AFG2A: variants seen among roughly 807,000 people sequenced by gnomAD.
The protein encoded by AFG2A is ATPase family gene 2 protein homolog A.
the AFG2A span, among the ~76,000 whole-genome samples, chr4:123,157,801 T>TC: frequency 1.3e-5 from 2 of 152,002 alleles, no homozygotes; most frequent in African/African-American, 4.8e-5. Context: ...AGTAAATACC[T>TC]CCCCCCTCTA....
chr4:123,092,271 T>A, the AFG2A span, among the ~76,000 whole-genome samples: 3 of 152,162 alleles, frequency 2.0e-5, no homozygotes, highest in Non-Finnish European at 4.4e-5. Context: ...TAAAGGGTGC[T>A]GAATCCAGAA....
the AFG2A span, among the ~76,000 whole-genome samples, chr4:123,170,495 T>C: frequency 6.6e-5 from 10 of 152,352 alleles, no homozygotes; most frequent in Non-Finnish European, 1.2e-4. Context: ...TTTTGTCTCC[T>C]GGTTGTCAGA....
chr4:122,925,962 G>A, the AFG2A span, among the ~76,000 whole-genome samples: 5 of 152,312 alleles, frequency 3.3e-5, no homozygotes, highest in East Asian at 9.6e-4. Flanking sequence ...GATACTTAAG[G>A]TGCTCAATAA....
the AFG2A span, among the ~76,000 whole-genome samples, chr4:123,058,481 T>G: frequency 6.6e-6 from 1 of 152,178 alleles, no homozygotes; most frequent in South Asian, 2.1e-4. Context: ...AGAAATTAGC[T>G]GGGCGTGGTG....
the AFG2A span, among the ~76,000 whole-genome samples, chr4:123,307,743 G>A: frequency 1.3e-5 from 2 of 152,146 alleles, no homozygotes; most frequent in Non-Finnish European, 2.9e-5. Flanking sequence ...GATACATAAT[G>A]GTGGTCCCAT....
chr4:123,231,225 T>A, the AFG2A span, among the ~76,000 whole-genome samples: 1 of 152,024 alleles, frequency 6.6e-6, no homozygotes, highest in Non-Finnish European at 1.5e-5. Context: ...ACATTGAATA[T>A]CTGTTGTTTA....
the AFG2A span, among the ~76,000 whole-genome samples, chr4:123,094,234 C>T: frequency 5.9e-5 from 9 of 152,054 alleles, no homozygotes; most frequent in Non-Finnish European, 1.0e-4. Context: ...TTGTGGGAAA[C>T]GGCAACACTT....
chr4:123,047,813 C>T, the AFG2A span, among the ~76,000 whole-genome samples: 3 of 152,060 alleles, frequency 2.0e-5, no homozygotes, highest in East Asian at 5.8e-4. Context: ...AGCAATCTTC[C>T]TTTCTTAGCC....
chr4:123,059,226 A>C, the AFG2A span, among the ~76,000 whole-genome samples: 1 of 150,758 alleles, frequency 6.6e-6, no homozygotes, highest in Admixed American at 6.6e-5. Context: ...ATATGTATAC[A>C]TATGCCATAC....
chr4:123,184,490 T>C, the AFG2A span, among the ~76,000 whole-genome samples: 2 of 150,520 alleles, frequency 1.3e-5, no homozygotes, highest in Non-Finnish European at 3.0e-5. Context: ...CAGTTATATA[T>C]ATAAAGTGCA....
chr4:123,178,562 T>C, the AFG2A span, among the ~76,000 whole-genome samples: 1 of 152,204 alleles, frequency 6.6e-6, no homozygotes, highest in Non-Finnish European at 1.5e-5. Flanking sequence ...ATCACTCCCA[T>C]TGTTTCTTCA....
the AFG2A span, among the ~76,000 whole-genome samples, chr4:123,100,640 C>G: frequency 1.3e-5 from 2 of 151,878 alleles, no homozygotes; most frequent in Non-Finnish European, 2.9e-5. Context: ...TCTCCTAATG[C>G]ATTCCAGGAT....
At chr4:123,117,883 A>G in the AFG2A span, among the ~76,000 whole-genome samples, 1 of 151,888 alleles carries the variant, frequency 6.6e-6, no homozygotes, top group Admixed American at 6.6e-5. Context: ...CTAAGGGACC[A>G]GCCAGGGCTA....
chr4:123,082,291 G>T, the AFG2A span, among the ~76,000 whole-genome samples: 1 of 152,010 alleles, frequency 6.6e-6, no homozygotes, highest in South Asian at 2.1e-4. Context: ...AATCTACTCC[G>T]AGTCAGTTTT....
At chr4:123,155,534 C>G in the AFG2A span, among the ~76,000 whole-genome samples, 2 of 152,064 alleles carry the variant, frequency 1.3e-5, no homozygotes, top group African/African-American at 4.8e-5. Context: ...GCTTTTGCAT[C>G]TACAGTTTCA....
chr4:123,132,765 A>G, the AFG2A span, among the ~76,000 whole-genome samples: 2 of 150,242 alleles, frequency 1.3e-5, no homozygotes, highest in African/African-American at 4.9e-5. Context: ...TCTCTTCCGC[A>G]TAATGATTTC....
chr4:122,957,741 G>T, the AFG2A span, among the ~76,000 whole-genome samples: 1 of 152,150 alleles, frequency 6.6e-6, no homozygotes, highest in Non-Finnish European at 1.5e-5. Flanking sequence ...TGTTGTTGTT[G>T]TTGTTGTTAA....
chr4:123,152,118 G>A, the AFG2A span, among the ~76,000 whole-genome samples: 1 of 151,758 alleles, frequency 6.6e-6, no homozygotes, highest in South Asian at 2.1e-4. Context: ...AACACACTGG[G>A]GCCTGTTGGG....
the AFG2A span, among the ~76,000 whole-genome samples, chr4:123,120,171 T>C: frequency 6.6e-6 from 1 of 152,176 alleles, no homozygotes; most frequent in South Asian, 2.1e-4. Flanking sequence ...TTGCAAGGAC[T>C]GGTCAAGAGA....
Sources: gnomAD v4.1 joint callset for allele counts (sites outside exome capture counted in the v4.1 genomes callset) on GRCh38, gnomAD v4.1.1 for gene constraint, MANE v1.5 for transcripts, NCBI Gene and HGNC (gene_info 2026-07-23, HGNC 2026-07-21) for gene names.